C8orf34: variants seen among roughly 807,000 people sequenced by gnomAD.
The protein encoded by C8orf34 is chromosome 8 open reading frame 34.
C8orf34 carries 65 observed loss-of-function variants against 68.3 expected under a neutral mutation model. That is an observed-to-expected ratio of 0.95 (90% CI 0.78 to 1.17). The LOEUF (loss-of-function observed/expected upper bound fraction) is 1.17. Among genes scored for constraint, C8orf34 ranks in the 50% most tolerant of loss-of-function variants. The pLI, the probability that C8orf34 is intolerant of heterozygous loss-of-function variation, is 0.00. For missense variants in C8orf34, 664 were observed against 655.4 expected (o/e 1.01, Z -0.14); for synonymous variants, 244 against 241.2 (o/e 1.01, Z -0.11).
chr8:68,764,689 CA>C (rs1227951378), intron 10 of C8orf34, among the ~76,000 whole-genome samples: 2 of 152,154 alleles, frequency 1.3e-5, no homozygotes, highest in Admixed American at 1.3e-4. Context: ...ACAGAAGAGA[CA>C]CTGCCTTTGG....
intron 3 of C8orf34, among the ~76,000 whole-genome samples, chr8:68,457,986 G>A (rs1453487002): frequency 2.6e-5 from 4 of 151,956 alleles, no homozygotes; most frequent in African/African-American, 9.7e-5. Context: ...CCAGACAAAT[G>A]ACTTCCCAAA....
chr8:68,619,261 G>A (rs772954961), intron 7 of C8orf34, among the ~76,000 whole-genome samples: 2 of 152,198 alleles, frequency 1.3e-5, no homozygotes, highest in Non-Finnish European at 2.9e-5. Flanking sequence ...GGGAGACAGA[G>A]GTTTCAGTGA....
intron 1 of C8orf34, among the ~76,000 whole-genome samples, chr8:68,340,272 C>T (rs1806016555): frequency 1.3e-5 from 2 of 152,078 alleles, no homozygotes; most frequent in African/African-American, 4.8e-5. Flanking sequence ...AAAAAATTTG[C>T]ATACATACAT....
At chr8:68,631,947 GA>G (rs1475644953) in intron 7 of C8orf34, among the ~76,000 whole-genome samples, 2 of 152,068 alleles carry the variant, frequency 1.3e-5, no homozygotes, top group Admixed American at 1.3e-4. Flanking sequence ...TATACAGTGT[GA>G]AAAAGGGCTA....
At chr8:68,574,794 G>T (rs952314335) in intron 7 of C8orf34, among the ~76,000 whole-genome samples, 8 of 151,882 alleles carry the variant, frequency 5.3e-5, no homozygotes, top group African/African-American at 1.9e-4. Context: ...TAATAGCAGT[G>T]TAGTTTCTTC....
At chr8:68,617,466 G>T (rs1273823539) in intron 7 of C8orf34, among the ~76,000 whole-genome samples, 1 of 152,268 alleles carries the variant, frequency 6.6e-6, no homozygotes, top group South Asian at 2.1e-4. Context: ...AGGAGCTCTT[G>T]TAGGGCAGGC....
intron 8 of C8orf34, among the ~76,000 whole-genome samples, chr8:68,640,978 G>A (rs1818989890): frequency 6.6e-6 from 1 of 152,200 alleles, no homozygotes; most frequent in South Asian, 2.1e-4. Context: ...GCAGCTGGAA[G>A]CAATCTTTGC....
chr8:68,651,412 T>C (rs1819353341), intron 8 of C8orf34, among the ~76,000 whole-genome samples: 1 of 152,214 alleles, frequency 6.6e-6, no homozygotes, highest in African/African-American at 2.4e-5. Flanking sequence ...GACTTTGCTG[T>C]GGCCTTCATT....
intron 7 of C8orf34, among the ~76,000 whole-genome samples, chr8:68,611,999 C>T (rs1818037771): frequency 6.6e-6 from 1 of 152,028 alleles, no homozygotes. Flanking sequence ...GTTGCCTTTT[C>T]CTGGAAAGTT....
chr8:68,814,729 T>C (rs1824756942), intron 12 of C8orf34, among the ~76,000 whole-genome samples: 1 of 152,188 alleles, frequency 6.6e-6, no homozygotes, highest in South Asian at 2.1e-4. Flanking sequence ...TCTAGCTTAA[T>C]ATAAAATCCA....
intron 1 of C8orf34, among the ~76,000 whole-genome samples, chr8:68,436,295 A>G (rs1019545691): frequency 2.6e-5 from 4 of 152,156 alleles, no homozygotes; most frequent in African/African-American, 9.7e-5. Context: ...TGTATCTTCA[A>G]CTGCATGTTG....
chr8:68,446,532 T>C, intron 3 of C8orf34, 72 bp downstream of exon 3: 1 of 1,505,736 alleles, frequency 6.6e-7, no homozygotes, highest in Non-Finnish European at 8.9e-7. Context: ...GAAGAAAAGG[T>C]ATTAATTGAA....
At chr8:68,712,977 C>A (rs572040894) in intron 9 of C8orf34, among the ~76,000 whole-genome samples, 1 of 152,130 alleles carries the variant, frequency 6.6e-6, no homozygotes, top group Non-Finnish European at 1.5e-5. Flanking sequence ...AGTACTCTCT[C>A]AGACCACACT....
chr8:68,358,516 G>C (rs116046058), intron 1 of C8orf34, among the ~76,000 whole-genome samples: 147 of 151,786 alleles, frequency 9.7e-4, no homozygotes, highest in African/African-American at 3.5e-3. Flanking sequence ...ATCAGTCACT[G>C]ACATTTCCAT....
chr8:68,440,042 T>C (rs1017612110), intron 2 of C8orf34, among the ~76,000 whole-genome samples: 3 of 152,182 alleles, frequency 2.0e-5, no homozygotes, highest in African/African-American at 7.2e-5. Flanking sequence ...CCCAAACTGA[T>C]GATTGTTCTT....
At chr8:68,801,841 C>T (rs1017775516) in intron 12 of C8orf34, among the ~76,000 whole-genome samples, 4 of 151,732 alleles carry the variant, frequency 2.6e-5, no homozygotes, top group Non-Finnish European at 2.9e-5. Context: ...CACCTATAAT[C>T]TCACCATCCC....
intron 13 of C8orf34, among the ~76,000 whole-genome samples, chr8:68,816,371 G>A (rs571149646): frequency 7.9e-5 from 12 of 152,084 alleles, no homozygotes; most frequent in South Asian, 2.1e-4. Flanking sequence ...GAACAATTTC[G>A]TGTCCATGAA....
chr8:68,621,151 G>A (rs1253575847), intron 7 of C8orf34, among the ~76,000 whole-genome samples: 2 of 152,166 alleles, frequency 1.3e-5, no homozygotes, highest in African/African-American at 4.8e-5. Flanking sequence ...TCTGGCTGTG[G>A]CTTTATCTAA....
At chr8:68,703,585 A>G (rs1821079191) in intron 8 of C8orf34, among the ~76,000 whole-genome samples, 1 of 152,044 alleles carries the variant, frequency 6.6e-6, no homozygotes, top group Non-Finnish European at 1.5e-5. Flanking sequence ...CATTCAATAC[A>G]TATATATGTG....
Sources: allele counts gnomAD v4.1 joint callset (sites outside exome capture counted in the v4.1 genomes callset), GRCh38; gene constraint gnomAD v4.1.1; transcripts MANE v1.5; gene names NCBI Gene and HGNC (gene_info 2026-07-23, HGNC 2026-07-21).